ADAMTSL1: variants seen among roughly 807,000 people sequenced by gnomAD.
ADAMTSL1 encodes ADAMTS like 1, also known as ADAMTS-like protein 1.
A neutral mutation model predicts 201.8 loss-of-function variants in ADAMTSL1; 126 were observed. That is an observed-to-expected ratio of 0.62 (90% CI 0.54 to 0.72). The LOEUF (loss-of-function observed/expected upper bound fraction) is 0.72. ADAMTSL1 is among the 30% of genes least tolerant of loss of function. The pLI, the probability that ADAMTSL1 is intolerant of heterozygous loss-of-function variation, is 0.00. For missense variants in ADAMTSL1, 2,679 were observed against 2,277.8 expected (o/e 1.18, Z -3.59); for synonymous variants, 1,121 against 903.4 (o/e 1.24, Z -4.32).
chr9:18,423,360 C>A (rs1356845657), intron 2 of ADAMTSL1, among the ~76,000 whole-genome samples: 1 of 152,140 alleles, frequency 6.6e-6, no homozygotes, highest in Non-Finnish European at 1.5e-5. Flanking sequence ...TTAAAAGATG[C>A]CAACAAAAAG....
intron 4 of ADAMTSL1, among the ~76,000 whole-genome samples, chr9:18,617,778 A>G (rs1209474251): frequency 1.3e-5 from 2 of 152,274 alleles, no homozygotes; most frequent in Admixed American, 1.3e-4. Context: ...CCTTTCTTTA[A>G]ATTTTTCTTG....
At chr9:18,276,817 G>T (rs1352410999) in intron 2 of ADAMTSL1, among the ~76,000 whole-genome samples, 1 of 152,164 alleles carries the variant, frequency 6.6e-6, no homozygotes, top group African/African-American at 2.4e-5. Context: ...ATAGCACCAA[G>T]CTATTCATGG....
rs559961046 is a variant in ADAMTSL1 at position 18,839,013 on chromosome 9, G to A, written c.4249+9036G>A. Among the ~76,000 whole-genome samples, 542 of 131,358 alleles carry A rather than the reference G, an allele frequency of 4.1e-3. 8 individuals carry two copies. Among genetic ancestry groups the A allele is most frequent in the African/African-American group, 0.015 (500 of 33,830 alleles). 86.2% of individuals were successfully genotyped at this position (131,358 alleles called of 152,430 possible). Reference sequence around the variant, plus strand: ...TTTGGCCCACCCCCTCTTTTTAGCAGCACACTCTCCTTTTTTTTTTTAATT... The same window carrying A: ...TTTGGCCCACCCCCTCTTTTTAGCAACACACTCTCCTTTTTTTTTTTAATT... On this transcript the variant is annotated intron_variant, in intron 23 of 28. Coordinates refer to ENST00000380548, the MANE Select transcript of ADAMTSL1 (RefSeq NM_001040272.6).
intron 2 of ADAMTSL1, among the ~76,000 whole-genome samples, chr9:18,425,182 C>G (rs2133377587): frequency 6.6e-6 from 1 of 151,842 alleles, no homozygotes; most frequent in East Asian, 1.9e-4. Context: ...CTCTTCGTTT[C>G]CTCCCTCCCC....
intron 26 of ADAMTSL1, among the ~76,000 whole-genome samples, chr9:18,897,031 A>T (rs1185674256): frequency 1.3e-5 from 2 of 152,218 alleles, no homozygotes; most frequent in African/African-American, 4.8e-5. Context: ...TGCTTAGGTC[A>T]ACCCAGCTGT....
intron 2 of ADAMTSL1, among the ~76,000 whole-genome samples, chr9:18,252,342 C>A (rs547501746): frequency 1.3e-5 from 2 of 152,176 alleles, no homozygotes; most frequent in East Asian, 3.9e-4. Context: ...AGAAGAAATG[C>A]AAATCAAACT....
chr9:18,291,747 T>TCTCACACA (rs1354410845), intron 2 of ADAMTSL1, among the ~76,000 whole-genome samples: 5 of 99,802 alleles, frequency 5.0e-5, no homozygotes, highest in South Asian at 4.1e-4. Context: ...TCTCTCTCTC[T>TCTCACACA]CACACACACA....
intron 1 of ADAMTSL1, among the ~76,000 whole-genome samples, chr9:17,982,542 G>A (rs1213253580): frequency 6.6e-6 from 1 of 152,116 alleles, no homozygotes; most frequent in African/African-American, 2.4e-5. Flanking sequence ...AACCCAAGAG[G>A]TGGAAGTTGC....
intron 2 of ADAMTSL1, among the ~76,000 whole-genome samples, chr9:18,405,580 T>C (rs1221197998): frequency 6.6e-6 from 1 of 150,790 alleles, no homozygotes; most frequent in Non-Finnish European, 1.5e-5. Flanking sequence ...CTCATGTTCC[T>C]GCAAGTTTTC....
At chr9:18,621,734 C>T (rs1056620933) in intron 4 of ADAMTSL1, among the ~76,000 whole-genome samples, 1 of 152,126 alleles carries the variant, frequency 6.6e-6, no homozygotes, top group Non-Finnish European at 1.5e-5. Flanking sequence ...GTTCTCACTG[C>T]TTGGAATACA....
chr9:18,370,783 T>C (rs1192881566), intron 2 of ADAMTSL1, among the ~76,000 whole-genome samples: 6 of 151,618 alleles, frequency 4.0e-5, no homozygotes, highest in Non-Finnish European at 4.4e-5. Context: ...TTCTAACTAA[T>C]TGGATGTAGA....
At chr9:18,208,514 C>T (rs1366780269) in intron 2 of ADAMTSL1, among the ~76,000 whole-genome samples, 1 of 152,120 alleles carries the variant, frequency 6.6e-6, no homozygotes, top group Non-Finnish European at 1.5e-5. Flanking sequence ...CTTTGCTAAG[C>T]TGAGATTAGA....
chr9:18,488,680 CACAGGTAGCAGGTGCCCAATAA>C (rs1234670157), intron 1 of ADAMTSL1, among the ~76,000 whole-genome samples: 1 of 152,164 alleles, frequency 6.6e-6, no homozygotes, highest in African/African-American at 2.4e-5. Flanking sequence ...CAGTACCCCA[CACAGGTAGCAGGTGCCCAATAA>C]ACATCAGCAA....
At chr9:18,319,266 A>G (rs1178266944) in intron 2 of ADAMTSL1, among the ~76,000 whole-genome samples, 1 of 152,210 alleles carries the variant, frequency 6.6e-6, no homozygotes, top group Middle Eastern at 3.2e-3. Flanking sequence ...TTAATAACAC[A>G]TAATGACAGA....
intron 1 of ADAMTSL1, among the ~76,000 whole-genome samples, chr9:18,085,905 G>C (rs1382960041): frequency 2.0e-5 from 3 of 152,008 alleles, no homozygotes; most frequent in Admixed American, 2.0e-4. Flanking sequence ...GTAGCCAAGA[G>C]ATGATAGTGG....
At chr9:18,303,191 C>A (rs181715108) in intron 2 of ADAMTSL1, among the ~76,000 whole-genome samples, 2 of 152,144 alleles carry the variant, frequency 1.3e-5, no homozygotes, top group Non-Finnish European at 2.9e-5. Flanking sequence ...ACTCAGGAAA[C>A]CCTCAAGGAG....
At chr9:18,147,909 C>G (rs572937758) in intron 1 of ADAMTSL1, among the ~76,000 whole-genome samples, 39 of 152,182 alleles carry the variant, frequency 2.6e-4, no homozygotes, top group African/African-American at 9.1e-4. Flanking sequence ...ATTGGAGATA[C>G]CAGCTTCTCT....
At chr9:18,410,651 T>C (rs1818398756) in intron 2 of ADAMTSL1, among the ~76,000 whole-genome samples, 1 of 152,198 alleles carries the variant, frequency 6.6e-6, no homozygotes, top group Non-Finnish European at 1.5e-5. Context: ...TTCCATAACT[T>C]TGCTATTGTA....
chr9:18,334,902 G>C (rs1835168352), intron 2 of ADAMTSL1, among the ~76,000 whole-genome samples: 1 of 152,110 alleles, frequency 6.6e-6, no homozygotes, highest in African/African-American at 2.4e-5. Context: ...AATTTTCTAA[G>C]CATTCCCTTT....
Sources: allele counts gnomAD v4.1 joint callset (sites outside exome capture counted in the v4.1 genomes callset), GRCh38; gene constraint gnomAD v4.1.1; transcripts MANE v1.5; gene names NCBI Gene and HGNC (gene_info 2026-07-23, HGNC 2026-07-21).